PGBD2: variants seen among roughly 807,000 people sequenced by gnomAD.
PGBD2 encodes piggyBac transposable element-derived protein 2.
In PGBD2, 6 loss-of-function variants were observed where a neutral mutation model predicts 8.1. The ratio of observed to expected loss-of-function variants is 0.74; its 90% CI spans 0.40 to 1.46. The LOEUF (loss-of-function observed/expected upper bound fraction) is 1.46, where lower values mean the gene tolerates loss of function less well. PGBD2 is among the 40% of genes most tolerant of loss of function. The probability of loss-of-function intolerance (pLI) is 0.02; values close to 1 mark genes in which losing one functional copy is unlikely to be tolerated. For missense variants in PGBD2, 802 were observed against 739.0 expected, an observed-to-expected ratio of 1.09 and a Z score of -0.99; for synonymous variants, 318 against 272.2, an observed-to-expected ratio of 1.17 and a Z score of -1.66.
At chr1:248,912,571 A>C (rs1004398599) in intron 1 of PGBD2, 1 of 152,176 alleles carries the variant, frequency 6.6e-6, no homozygotes, top group Non-Finnish European at 1.5e-5. Context: ...TAATGTCTTT[A>C]CTCCAAAATA....
downstream of PGBD2, among the ~76,000 whole-genome samples, chr1:248,923,485 C>T (rs183784409): frequency 6.6e-4 from 100 of 152,202 alleles, no homozygotes; most frequent in African/African-American, 2.2e-3. Flanking sequence ...TGCCACCAGC[C>T]CAGCTCGCAT....
At chr1:248,915,045 C>T (rs1033512469) in intron 2 of PGBD2, among the ~76,000 whole-genome samples, 4 of 152,226 alleles carry the variant, frequency 2.6e-5, no homozygotes, top group Non-Finnish European at 5.9e-5. Flanking sequence ...TGTGAGCCTT[C>T]TCTCACCATT....
At position 248,918,642 on chromosome 1, in the gene PGBD2, G is replaced by T. The variant is rs1250156112; in HGVS notation, c.*279G>T. The T allele has an allele frequency of 1.1e-5, 2 of 179,738 alleles. No homozygotes were observed. Among genetic ancestry groups the T allele is most frequent in the South Asian group, 2.0e-4 (1 of 4,954 alleles). 11.1% of individuals were successfully genotyped at this position (179,738 alleles called of 1,614,324 possible). A position where few individuals can be genotyped will look rare whatever the true frequency, so the allele number is the denominator to read the frequency against. Reference sequence around the variant, plus strand: ...TTATTCAAATAAAAGTTGTGCTTTGGGGTATATTTGAATCCTAGCAAGAAT... The same window carrying T: ...TTATTCAAATAAAAGTTGTGCTTTGTGGTATATTTGAATCCTAGCAAGAAT... On this transcript the variant is annotated 3_prime_UTR_variant, in exon 3 of 3. Coordinates refer to ENST00000329291, the MANE Select transcript of PGBD2 (RefSeq NM_170725.3).
the PGBD2 span, among the ~76,000 whole-genome samples, chr1:248,876,314 G>A: frequency 6.6e-6 from 1 of 151,992 alleles, no homozygotes; most frequent in Non-Finnish European, 1.5e-5. Flanking sequence ...GGCCTAAACT[G>A]TTCTTTTATC....
At chr1:248,923,420 A>AT (rs896737774), downstream of PGBD2, among the ~76,000 whole-genome samples, 38 of 151,126 alleles carry the variant, frequency 2.5e-4, no homozygotes, top group African/African-American at 6.1e-4. Context: ...GGATTCATTG[A>AT]TTTTTTTTTG....
At chr1:248,896,990 T>G in the PGBD2 span, among the ~76,000 whole-genome samples, 104 of 152,284 alleles carry the variant, frequency 6.8e-4, no homozygotes, top group Middle Eastern at 3.4e-3. Flanking sequence ...TCCTCCCCAT[T>G]TAATTAGGAA....
At chr1:248,880,428 G>A in the PGBD2 span, among the ~76,000 whole-genome samples, 4 of 152,186 alleles carry the variant, frequency 2.6e-5, no homozygotes, top group Non-Finnish European at 2.9e-5. Context: ...TTTGTTGTTC[G>A]AGTATGGGAA....
chr1:248,920,235 G>C (rs1662257406), downstream of PGBD2, among the ~76,000 whole-genome samples: 1 of 151,980 alleles, frequency 6.6e-6, no homozygotes, highest in South Asian at 2.1e-4. Flanking sequence ...TGCCATGGTG[G>C]CTTGCTGCAC....
chr1:248,909,833 A>T (rs937327129), intron 1 of PGBD2, among the ~76,000 whole-genome samples: 11 of 152,108 alleles, frequency 7.2e-5, no homozygotes, highest in African/African-American at 2.4e-4. Context: ...GATACAAGAA[A>T]CTGGACCAGC....
upstream of PGBD2, among the ~76,000 whole-genome samples, chr1:248,905,626 A>C (rs1661609277): frequency 1.3e-5 from 2 of 152,342 alleles, no homozygotes; most frequent in Admixed American, 1.3e-4. Flanking sequence ...TTAAATGTGA[A>C]TCTTAGATGA....
chr1:248,873,631 ACCCCT>A, the PGBD2 span, among the ~76,000 whole-genome samples: 5 of 152,026 alleles, frequency 3.3e-5, no homozygotes, highest in East Asian at 9.6e-4. Flanking sequence ...ACGGTCACTA[ACCCCT>A]GGTCGTTAGC....
At chr1:248,889,787 T>G in the PGBD2 span, among the ~76,000 whole-genome samples, 4 of 152,072 alleles carry the variant, frequency 2.6e-5, no homozygotes, top group Non-Finnish European at 4.4e-5. Flanking sequence ...AAAGGCAGAC[T>G]CGGGGGATAT....
At chr1:248,899,719 A>G in the PGBD2 span, among the ~76,000 whole-genome samples, 1 of 151,904 alleles carries the variant, frequency 6.6e-6, no homozygotes, top group Admixed American at 6.6e-5. Flanking sequence ...AATAACCAAG[A>G]TCAGAGTAGA....
At chr1:248,927,612 A>G in the PGBD2 span, among the ~76,000 whole-genome samples, 4 of 152,228 alleles carry the variant, frequency 2.6e-5, no homozygotes, top group Admixed American at 2.6e-4. Context: ...GCTGTGTCAC[A>G]TTACAACTTT....
Position 248,916,772 on chromosome 1 carries a change from A to G in PGBD2, c.188A>G (p.Asp63Gly). The change falls in exon 3 of 3, where the codon GAC becomes GGC. Residue 63 changes from aspartate (D) to glycine (G), a missense_variant. Physicochemically the swap from Asp to Gly is moderately conservative, Grantham distance 94. Transcript: ENST00000329291. ...EFTDEDSGDE[D>G]SQRGAHLPGS... ...ACTGATGAGGACTCAGGGGATGAAG[A>G]CAGCCAGCGAGGTGCTCACCTACCT... 6.2e-7 allele frequency: 1 copy of G among 1,614,186 alleles called. No homozygotes were observed. Among genetic ancestry groups the G allele is most frequent in the Non-Finnish European group, 8.5e-7 (1 of 1,180,032 alleles).
At chr1:248,920,146 C>A (rs1040516795), downstream of PGBD2, among the ~76,000 whole-genome samples, 1 of 150,246 alleles carries the variant, frequency 6.7e-6, no homozygotes, top group Non-Finnish European at 1.5e-5. Context: ...CAGTATATAT[C>A]TTTTTTTTTT....
the PGBD2 span, among the ~76,000 whole-genome samples, chr1:248,874,270 G>A: frequency 3.3e-5 from 5 of 152,270 alleles, no homozygotes; most frequent in South Asian, 2.1e-4. Context: ...TAGTGGTTAG[G>A]ATTCGGCGCT....
At chr1:248,919,895 G>C (rs1437518955), downstream of PGBD2, 2 of 155,966 alleles carry the variant, frequency 1.3e-5, no homozygotes, top group Non-Finnish European at 2.9e-5. Flanking sequence ...TTTTTATTTT[G>C]AGATGGAGTT....
intron 1 of PGBD2, among the ~76,000 whole-genome samples, chr1:248,909,972 A>G (rs1450869888): frequency 1.3e-5 from 2 of 152,226 alleles, no homozygotes; most frequent in Non-Finnish European, 2.9e-5. Context: ...AGATGGGCTC[A>G]TGCCCTAATG....
Sources: allele counts gnomAD v4.1 joint callset (sites outside exome capture counted in the v4.1 genomes callset), GRCh38; gene constraint gnomAD v4.1.1; transcripts MANE v1.5; gene names NCBI Gene and HGNC (gene_info 2026-07-23, HGNC 2026-07-21).